The following SCMH1 variants were observed in gnomAD, a reference collection of about 807,000 sequenced individuals.
The protein encoded by SCMH1 is Scm polycomb group protein homolog 1, also known as polycomb protein SCMH1.
Under a neutral mutation model 70.8 loss-of-function variants are expected in SCMH1, and 37 were observed. That is an observed-to-expected ratio of 0.52 (90% CI 0.40 to 0.69). SCMH1 has a LOEUF of 0.69. Ranked by LOEUF, SCMH1 falls within the 30% of genes least tolerant of loss-of-function variation. The probability of loss-of-function intolerance (pLI) is 0.00; values close to 1 mark genes in which losing one functional copy is unlikely to be tolerated. For synonymous variants in SCMH1, 292 were observed against 307.4 expected, an observed-to-expected ratio of 0.95 and a Z score of 0.52; for missense variants, 607 against 827.3, an observed-to-expected ratio of 0.73 and a Z score of 3.27.
chr1:41,165,709 T>C (rs1646368288), intron 2 of SCMH1, among the ~76,000 whole-genome samples: 1 of 152,122 alleles, frequency 6.6e-6, no homozygotes, highest in Non-Finnish European at 1.5e-5. Context: ...TCTATTCAAG[T>C]CCTTTGCTTA....
At chr1:41,163,300 C>T (rs1646192384) in intron 2 of SCMH1, among the ~76,000 whole-genome samples, 1 of 152,158 alleles carries the variant, frequency 6.6e-6, no homozygotes, top group Non-Finnish European at 1.5e-5. Flanking sequence ...GCCCCAAGCT[C>T]GTTCATACAC....
At chr1:41,172,357 C>T (rs530791215) in intron 2 of SCMH1, among the ~76,000 whole-genome samples, 1 of 151,062 alleles carries the variant, frequency 6.6e-6, no homozygotes, top group African/African-American at 2.4e-5. Context: ...TAAAAAAAAA[C>T]CTACAAATAA....
intron 8 of SCMH1, among the ~76,000 whole-genome samples, chr1:41,110,127 A>G (rs556853996): frequency 9.8e-5 from 15 of 152,296 alleles, no homozygotes; most frequent in African/African-American, 3.6e-4. Context: ...TGTTTCTTGC[A>G]TCACAGAGAG....
At chr1:41,081,082 T>G (rs1480706928) in intron 8 of SCMH1, among the ~76,000 whole-genome samples, 1 of 152,172 alleles carries the variant, frequency 6.6e-6, no homozygotes, top group Non-Finnish European at 1.5e-5. Flanking sequence ...ATCTAATATT[T>G]AAAAATCTAA....
At chr1:41,201,727 G>A (rs1346509666) in intron 1 of SCMH1, among the ~76,000 whole-genome samples, 1 of 152,154 alleles carries the variant, frequency 6.6e-6, no homozygotes, top group Non-Finnish European at 1.5e-5. Flanking sequence ...CTAGCGAAGT[G>A]ACTTAAGAGG....
At chr1:41,049,568 G>A (rs893798220) in intron 10 of SCMH1, among the ~76,000 whole-genome samples, 11 of 150,614 alleles carry the variant, frequency 7.3e-5, no homozygotes, top group Non-Finnish European at 3.0e-5. Flanking sequence ...TCAGGAGTTC[G>A]AGATCAGCCT....
intron 4 of SCMH1, among the ~76,000 whole-genome samples, chr1:41,157,701 C>T (rs1645667435): frequency 6.6e-6 from 1 of 152,218 alleles, no homozygotes; most frequent in Non-Finnish European, 1.5e-5. Flanking sequence ...TCATGGCTTT[C>T]TTGGTCCCAT....
chr1:41,076,556 T>C (rs1368136232), intron 8 of SCMH1, among the ~76,000 whole-genome samples: 1 of 152,180 alleles, frequency 6.6e-6, no homozygotes, highest in Non-Finnish European at 1.5e-5. Flanking sequence ...ATATACGGTA[T>C]AATGTCAGGT....
At chr1:41,135,001 A>C (rs1478735600) in intron 6 of SCMH1, among the ~76,000 whole-genome samples, 1 of 152,092 alleles carries the variant, frequency 6.6e-6, no homozygotes, top group Non-Finnish European at 1.5e-5. Flanking sequence ...ATTTTTCTAA[A>C]GTTAAATATT....
chr1:41,154,482 TC>T (rs1326510908), intron 4 of SCMH1, among the ~76,000 whole-genome samples: 1 of 152,216 alleles, frequency 6.6e-6, no homozygotes, highest in African/African-American at 2.4e-5. Context: ...GATTCTTCAT[TC>T]AATAAATATT....
chr1:41,233,283 T>A (rs1309168938), intron 1 of SCMH1, among the ~76,000 whole-genome samples: 1 of 152,202 alleles, frequency 6.6e-6, no homozygotes, highest in Non-Finnish European at 1.5e-5. Flanking sequence ...CACCTTCTTG[T>A]CTATGAAATA....
At chr1:41,216,353 A>G (rs1239759457) in intron 1 of SCMH1, among the ~76,000 whole-genome samples, 1 of 152,214 alleles carries the variant, frequency 6.6e-6, no homozygotes, top group African/African-American at 2.4e-5. Context: ...AAAAACAGCT[A>G]TCTGTTAAAA....
intron 8 of SCMH1, among the ~76,000 whole-genome samples, chr1:41,097,825 T>G (rs572376688): frequency 6.6e-6 from 1 of 152,372 alleles, no homozygotes; most frequent in African/African-American, 2.4e-5. Context: ...TGTGATCATG[T>G]CACTCCTTTG....
At chr1:41,104,753 A>G (rs1330021624) in intron 8 of SCMH1, among the ~76,000 whole-genome samples, 2 of 152,146 alleles carry the variant, frequency 1.3e-5, no homozygotes, top group African/African-American at 2.4e-5. Flanking sequence ...AAACCTGTAG[A>G]GACCACACCC....
At chr1:41,088,741 G>C (rs1347640215) in intron 8 of SCMH1, among the ~76,000 whole-genome samples, 1 of 152,106 alleles carries the variant, frequency 6.6e-6, no homozygotes, top group Non-Finnish European at 1.5e-5. Context: ...ACCATCTAAG[G>C]AGGAAAAAAA....
intron 7 of SCMH1, among the ~76,000 whole-genome samples, chr1:41,115,860 C>T (rs1670336398): frequency 6.6e-6 from 1 of 152,050 alleles, no homozygotes; most frequent in Admixed American, 6.6e-5. Flanking sequence ...TTACTTTCAA[C>T]ATTTTTGTCA....
chr1:41,197,758 C>A (rs984103030), intron 1 of SCMH1, among the ~76,000 whole-genome samples: 1 of 152,114 alleles, frequency 6.6e-6, no homozygotes, highest in African/African-American at 2.4e-5. Context: ...AACTGTCTTG[C>A]AAAAGGAACA....
chr1:41,147,462 T>C (rs1644689325), intron 5 of SCMH1, among the ~76,000 whole-genome samples: 1 of 152,182 alleles, frequency 6.6e-6, no homozygotes, highest in Non-Finnish European at 1.5e-5. Flanking sequence ...TTTTATTTAG[T>C]AATGGACATT....
At chr1:41,092,957 CAG>C (rs1157848709) in intron 8 of SCMH1, among the ~76,000 whole-genome samples, 6 of 152,200 alleles carry the variant, frequency 3.9e-5, no homozygotes, top group Non-Finnish European at 2.9e-5. Flanking sequence ...TTGTGGAAGA[CAG>C]TGTGGCGATT....
Sources: gnomAD v4.1 joint callset for allele counts (sites outside exome capture counted in the v4.1 genomes callset) on GRCh38, gnomAD v4.1.1 for gene constraint, MANE v1.5 for transcripts, NCBI Gene and HGNC (gene_info 2026-07-23, HGNC 2026-07-21) for gene names.